The following ZNF385B variants were observed in gnomAD, a reference collection of about 807,000 sequenced individuals.
ZNF385B encodes the protein zinc finger protein 385B, also known as zinc finger protein 533.
A neutral mutation model predicts 39.2 loss-of-function variants in ZNF385B; 23 were observed. The ratio of observed to expected loss-of-function variants is 0.59; its 90% CI spans 0.42 to 0.83. ZNF385B has a LOEUF of 0.83. ZNF385B is among the 40% of genes least tolerant of loss of function. ZNF385B has a pLI of 0.00. For synonymous variants in ZNF385B, 205 were observed against 222.6 expected (o/e 0.92, Z 0.70); for missense variants, 552 against 598.9 (o/e 0.92, Z 0.82).
intron 3 of ZNF385B, among the ~76,000 whole-genome samples, chr2:179,767,291 T>C (rs1428690579): frequency 6.6e-6 from 1 of 151,974 alleles, no homozygotes; most frequent in East Asian, 1.9e-4. Flanking sequence ...AGAACAGCAT[T>C]GCCACCTTGC....
intron 6 of ZNF385B, chr2:179,480,937 C>G (rs1023394520): frequency 1.3e-5 from 2 of 152,112 alleles, no homozygotes; most frequent in African/African-American, 4.8e-5. Context: ...TCTGTAGTCA[C>G]AAAGTGAGTG....
rs186910218 is a variant in ZNF385B, at chr2:179,602,062, G to A, written c.299-57093C>T. On this transcript the variant is annotated intron_variant, in intron 3 of 9. Transcript: ENST00000410066. ...TCTATGGCATCAAATAAAATTAAATGTCTCTTTGTAGTATATTCTACAAGA... is the reference window on the plus strand; with the variant it reads ...TCTATGGCATCAAATAAAATTAAATATCTCTTTGTAGTATATTCTACAAGA... 2.0e-5 allele frequency among the ~76,000 whole-genome samples: 3 copies of A among 152,200 alleles called. No homozygotes were observed. The East Asian group carries it at 5.8e-4, about 29-fold the overall frequency.
chr2:179,661,248 G>C (rs1412801469), intron 3 of ZNF385B, among the ~76,000 whole-genome samples: 4 of 152,200 alleles, frequency 2.6e-5, no homozygotes, highest in African/African-American at 7.2e-5. Flanking sequence ...AACAAAGAAA[G>C]AGAAATGGCT....
intron 6 of ZNF385B, among the ~76,000 whole-genome samples, chr2:179,448,434 T>C (rs1333566115): frequency 1.3e-5 from 2 of 152,150 alleles, no homozygotes; most frequent in Non-Finnish European, 2.9e-5. Flanking sequence ...AATCTTTCCT[T>C]GCTTCAAGCA....
At chr2:179,639,249 A>AAAAGGG (rs71029824) in intron 3 of ZNF385B, among the ~76,000 whole-genome samples, 4 of 128,704 alleles carry the variant, frequency 3.1e-5, no homozygotes, top group South Asian at 2.7e-4. Flanking sequence ...AAAAAAAAAA[A>AAAAGGG]GGGGGAGAAA....
chr2:179,756,663 A>G (rs1298427862), intron 3 of ZNF385B, among the ~76,000 whole-genome samples: 1 of 149,698 alleles, frequency 6.7e-6, no homozygotes, highest in Non-Finnish European at 1.5e-5. Flanking sequence ...TATACCTTCG[A>G]GGCTTTGTTT....
At chr2:179,732,958 A>G (rs566735548) in intron 3 of ZNF385B, among the ~76,000 whole-genome samples, 2 of 152,288 alleles carry the variant, frequency 1.3e-5, no homozygotes, top group East Asian at 1.9e-4. Context: ...GAAAATTTTC[A>G]TTTCCAACAC....
chr2:179,828,790 A>T lies in ZNF385B; in HGVS notation c.-155+32311T>A, dbSNP rs183760857. Among the ~76,000 whole-genome samples, 382 of 152,316 alleles carry T rather than the reference A, an allele frequency of 2.5e-3. 2 individuals are homozygous for T. Among genetic ancestry groups the T allele is most frequent in the Middle Eastern group, 6.8e-3 (2 of 294 alleles). Reference sequence around the variant, plus strand: ...TCACAAAACTGGCATGATTTGAAATATATGGGTTTTATGGATTGCCTGGGC... The same window carrying T: ...TCACAAAACTGGCATGATTTGAAATTTATGGGTTTTATGGATTGCCTGGGC... On this transcript the variant is annotated intron_variant, in intron 1 of 9. Coordinates refer to ENST00000410066, the MANE Select transcript of ZNF385B (RefSeq NM_152520.6).
chr2:179,557,316 G>C (rs946148526), intron 3 of ZNF385B, among the ~76,000 whole-genome samples: 5 of 149,208 alleles, frequency 3.4e-5, no homozygotes, highest in Non-Finnish European at 5.9e-5. Context: ...ATTTTAAAGA[G>C]AGTATTCATT....
chr2:179,657,019 T>C (rs1213222990), intron 3 of ZNF385B, among the ~76,000 whole-genome samples: 1 of 152,176 alleles, frequency 6.6e-6, no homozygotes, highest in African/African-American at 2.4e-5. Flanking sequence ...AAGCCATTTG[T>C]ATCCTGGTGT....
In ZNF385B at chr2:179,548,468, C is replaced by T. The variant is rs149025544; in HGVS notation, c.299-3499G>A. The stretch of plus-strand genomic sequence containing the variant: ...ACTTTATTGAGGTATAACTCATATA[C>T]CAGACAATTCATCTGAATTGTAGAA... On this transcript the variant is annotated intron_variant, in intron 3 of 9. Transcript: ENST00000410066. Among the ~76,000 whole-genome samples the T allele has an allele frequency of 5.7e-3, 855 of 149,524 alleles. 86 individuals carry two copies. The highest frequency in any genetic ancestry group is 0.017 in the African/African-American group (692 of 39,778).
intron 6 of ZNF385B, among the ~76,000 whole-genome samples, chr2:179,467,970 C>A (rs1015991554): frequency 6.6e-6 from 1 of 152,208 alleles, no homozygotes; most frequent in East Asian, 1.9e-4. Flanking sequence ...TGTCACTGCT[C>A]TTTCCATTTG....
At chr2:179,504,531 A>G (rs62177237) in intron 5 of ZNF385B, among the ~76,000 whole-genome samples, 4,272 of 152,066 alleles carry the variant, frequency 0.028, 87 homozygotes, top group Middle Eastern at 0.058. Context: ...CATCCTCTCC[A>G]GCACCTGTTG....
chr2:179,818,711 C>T (rs1379787748), intron 1 of ZNF385B, among the ~76,000 whole-genome samples: 2 of 152,178 alleles, frequency 1.3e-5, no homozygotes, highest in Non-Finnish European at 2.9e-5. Context: ...CGTTCGGCCT[C>T]ACTATCCAGA....
At chr2:179,750,531 A>C (rs940737533) in intron 3 of ZNF385B, among the ~76,000 whole-genome samples, 3 of 152,114 alleles carry the variant, frequency 2.0e-5, no homozygotes, top group African/African-American at 4.8e-5. Flanking sequence ...TGCTCTTATA[A>C]GGACCTGTGA....
At chr2:179,747,928 C>T (rs1362512964) in intron 3 of ZNF385B, among the ~76,000 whole-genome samples, 2 of 152,114 alleles carry the variant, frequency 1.3e-5, no homozygotes, top group African/African-American at 4.8e-5. Context: ...AATTTAAGCT[C>T]ACATTAGTTC....
intron 3 of ZNF385B, among the ~76,000 whole-genome samples, chr2:179,619,041 T>A (rs1689994748): frequency 6.6e-6 from 1 of 151,902 alleles, no homozygotes; most frequent in Non-Finnish European, 1.5e-5. Context: ...AAACATGATT[T>A]AAAAAAAAGA....
At chr2:179,729,642 G>A (rs1353397291) in intron 3 of ZNF385B, among the ~76,000 whole-genome samples, 1 of 152,152 alleles carries the variant, frequency 6.6e-6, no homozygotes, top group Non-Finnish European at 1.5e-5. Flanking sequence ...TTTTCAGGAA[G>A]GCAGAAGATT....
At chr2:179,545,104 A>T in intron 3 of ZNF385B, 135 bp from the exon 4 acceptor site, 2 of 996,640 alleles carry the variant, frequency 2.0e-6, no homozygotes, top group Non-Finnish European at 3.1e-6. Flanking sequence ...AGCAAATGGC[A>T]CAGGAGTAGT....
Sources: gnomAD v4.1 joint callset for allele counts (sites outside exome capture counted in the v4.1 genomes callset) on GRCh38, gnomAD v4.1.1 for gene constraint, MANE v1.5 for transcripts, NCBI Gene and HGNC (gene_info 2026-07-23, HGNC 2026-07-21) for gene names.